TF: variants seen among roughly 807,000 people sequenced by gnomAD.
TF encodes the protein serotransferrin.
Under a neutral mutation model 82.4 loss-of-function variants are expected in TF, and 55 were observed. The observed-to-expected ratio is 0.67, with a 90% CI of 0.54 to 0.84. The LOEUF (loss-of-function observed/expected upper bound fraction) is 0.84, where lower values mean the gene tolerates loss of function less well. Among genes scored for constraint, TF ranks in the 40% least tolerant of loss-of-function variants. The pLI, the probability that TF is intolerant of heterozygous loss-of-function variation, is 0.00. For missense variants in TF, 737 were observed against 868.4 expected (o/e 0.85, Z 1.90); for synonymous variants, 332 against 332.6 (o/e 1.00, Z 0.02).
At position 133,766,367 on chromosome 3, in the gene TF, G is replaced by A; in HGVS notation, c.1420G>A (p.Gly474Ser). 6.2e-7 allele frequency: 1 copy of A among 1,614,184 alleles called. No homozygotes were observed. Among genetic ancestry groups the A allele is most frequent in the East Asian group, 2.2e-5 (1 of 44,882 alleles). Residue 474 changes from glycine (G) to serine (S), a missense_variant, in exon 12 of 17, where the codon GGC becomes AGC. By Grantham distance (56) the Gly-to-Ser change is moderately conservative (BLOSUM62 0). Coordinates refer to ENST00000402696, the MANE Select transcript of TF (RefSeq NM_001063.4). ...KGKKSCHTAV[G>S]RTAGWNIPMG... ...CAAGAAGTCCTGCCATACGGCAGTTGGCAGAACCGCTGGCTGGAACATCCC... is the reference window on the plus strand; with the variant it reads ...CAAGAAGTCCTGCCATACGGCAGTTAGCAGAACCGCTGGCTGGAACATCCC...
At chr3:133,670,083 A>T in the TF span, among the ~76,000 whole-genome samples, 1 of 152,210 alleles carries the variant, frequency 6.6e-6, no homozygotes, top group Non-Finnish European at 1.5e-5. Flanking sequence ...TGCTCCAGAG[A>T]CAAATGTCAG....
intron 15 of TF, 150 bp from the exon 16 acceptor site, chr3:133,776,898 GC>G: frequency 1.4e-6 from 1 of 702,646 alleles, no homozygotes; most frequent in Non-Finnish European, 2.5e-6. Context: ...TGGATAAATG[GC>G]AGATAAAGGA....
chr3:133,735,937 A>G, the TF span, among the ~76,000 whole-genome samples: 1 of 152,226 alleles, frequency 6.6e-6, no homozygotes, highest in Non-Finnish European at 1.5e-5. Flanking sequence ...CAACATTCCA[A>G]TTCAGGAAAT....
chr3:133,746,901 G>A (rs1023776274), intron 1 of TF, among the ~76,000 whole-genome samples: 15 of 152,184 alleles, frequency 9.9e-5, no homozygotes, highest in African/African-American at 3.1e-4. Flanking sequence ...CCAAGGAAGC[G>A]GTGCCATCGA....
intron 3 of TF, chr3:133,754,068 A>C (rs1933756588): frequency 2.3e-6 from 1 of 433,866 alleles, no homozygotes; most frequent in Non-Finnish European, 4.3e-6. Context: ...ACTCTGGAGC[A>C]CACACTCAGA....
the TF span, among the ~76,000 whole-genome samples, chr3:133,684,759 A>G: frequency 2.6e-5 from 4 of 152,194 alleles, no homozygotes; most frequent in Middle Eastern, 3.2e-3. Flanking sequence ...ATTCACAGCC[A>G]AATTCTACCA....
chr3:133,698,308 TG>T, the TF span, among the ~76,000 whole-genome samples: 3 of 152,258 alleles, frequency 2.0e-5, no homozygotes, highest in Admixed American at 6.5e-5. Flanking sequence ...GCCAAGAACC[TG>T]GACAACTCAC....
the TF span, among the ~76,000 whole-genome samples, chr3:133,663,189 A>G: frequency 0.029 from 4,448 of 152,092 alleles, 111 homozygotes; most frequent in African/African-American, 0.07. Context: ...AGTGACCCCA[A>G]GCTTTTTGTT....
rs910408863 is a variant in TF at position 133,792,006 on chromosome 3, A to G, written c.*13386A>G. On this transcript the variant is annotated 3_prime_UTR_variant, in exon 17 of 17. Transcript: ENST00000402696. ...AGTTTTAAAGATTATTGGTAAAATA[A>G]AAATATCTTCAAAATGTAAATATTT... is the stretch of plus-strand genomic sequence containing the variant. 18 of 152,248 alleles carry G rather than the reference A, an allele frequency of 1.2e-4. No individual in the cohort carries two copies. The highest frequency in any genetic ancestry group is 4.3e-4 in the African/African-American group (18 of 41,478). The allele number at this position is 152,248 out of a possible 1,614,324, so 9.4% of individuals were successfully genotyped here. A position where few individuals can be genotyped will look rare whatever the true frequency, so the allele number is the denominator to read the frequency against.
intron 14 of TF, among the ~76,000 whole-genome samples, chr3:133,772,044 C>A (rs1386939043): frequency 6.6e-6 from 1 of 152,156 alleles, no homozygotes; most frequent in Non-Finnish European, 1.5e-5. Flanking sequence ...AGATGGCATA[C>A]CCTGTCCTAC....
chr3:133,754,451 C>T lies in TF; in HGVS notation c.326-44C>T, dbSNP rs1237927591. On this transcript the variant is annotated intron_variant, in intron 3 of 16. Transcript: ENST00000402696. Reference sequence around the variant, plus strand: ...TCCGGTGGTGATGAGCCATGTTTCCCTGCACCAGGCTGAGGGCCTTCCATT... The same window carrying T: ...TCCGGTGGTGATGAGCCATGTTTCCTTGCACCAGGCTGAGGGCCTTCCATT... The T allele has an allele frequency of 3.1e-6, 5 of 1,602,856 alleles. No homozygotes were observed. In the East Asian group the frequency reaches 1.1e-4, roughly 36 times the overall value.
At position 133,755,566 on chromosome 3, in the gene TF, G is replaced by A. The variant is rs1933803731; in HGVS notation, c.635+71G>A. 2.5e-6 allele frequency: 4 copies of A among 1,602,266 alleles called. No homozygotes were observed. The Admixed American group carries it at 6.7e-5, about 27-fold the overall frequency. The stretch of plus-strand genomic sequence containing the variant: ...TCCTCAGGGTGAGAGTTCTTTGCTG[G>A]TCCAAAGCCGAGCCCTGCCTGCCTA... On this transcript the variant is annotated intron_variant, in intron 5 of 16. Transcript: ENST00000402696.
chr3:133,730,472 A>G, the TF span, among the ~76,000 whole-genome samples: 1 of 152,126 alleles, frequency 6.6e-6, no homozygotes, highest in Non-Finnish European at 1.5e-5. Flanking sequence ...TGGTTCTACC[A>G]CCAATTTTCT....
the TF span, among the ~76,000 whole-genome samples, chr3:133,675,526 T>G: frequency 4.6e-5 from 7 of 152,154 alleles, no homozygotes; most frequent in Non-Finnish European, 8.8e-5. Context: ...AAGAGAAGAT[T>G]GGAGGTTTCA....
At chr3:133,706,657 A>T in the TF span, among the ~76,000 whole-genome samples, 16 of 152,194 alleles carry the variant, frequency 1.1e-4, no homozygotes, top group Admixed American at 3.3e-4. Flanking sequence ...GTGAAAACCA[A>T]GTGCATACTT....
At chr3:133,743,749 G>A (rs1933436598), upstream of TF, among the ~76,000 whole-genome samples, 1 of 152,168 alleles carries the variant, frequency 6.6e-6, no homozygotes, top group African/African-American at 2.4e-5. Context: ...CTCTGGTATA[G>A]AATTAAAGAA....
At chr3:133,756,183 C>G (rs1033824928) in intron 5 of TF, 99 bp from the exon 6 acceptor site, 27 of 1,196,922 alleles carry the variant, frequency 2.3e-5, no homozygotes, top group Non-Finnish European at 2.9e-5. Flanking sequence ...GCACCAGGCT[C>G]TATCCTAGTG....
chr3:133,729,252 C>T, the TF span, among the ~76,000 whole-genome samples: 2 of 152,214 alleles, frequency 1.3e-5, no homozygotes, highest in Non-Finnish European at 2.9e-5. Context: ...CTGTGCCCTG[C>T]CCCCAGAGAT....
chr3:133,686,759 A>G, the TF span, among the ~76,000 whole-genome samples: 1 of 152,232 alleles, frequency 6.6e-6, no homozygotes, highest in African/African-American at 2.4e-5. Flanking sequence ...TGGGAGTGTC[A>G]GTTCAGCCAT....
Sources: allele counts gnomAD v4.1 joint callset (sites outside exome capture counted in the v4.1 genomes callset), GRCh38; gene constraint gnomAD v4.1.1; transcripts MANE v1.5; gene names NCBI Gene and HGNC (gene_info 2026-07-23, HGNC 2026-07-21).